Variants in STAU2 observed in about 807,000 individuals in gnomAD.
STAU2 encodes double-stranded RNA-binding protein Staufen homolog 2.
STAU2 carries 20 observed loss-of-function variants against 65.9 expected under a neutral mutation model. That is an observed-to-expected ratio of 0.30 (90% CI 0.21 to 0.44). The LOEUF is 0.44. Among genes scored for constraint, STAU2 ranks in the 20% least tolerant of loss-of-function variants. The probability of loss-of-function intolerance (pLI) is 1.00; values close to 1 mark genes in which losing one functional copy is unlikely to be tolerated. For synonymous variants in STAU2, 232 were observed against 233.9 expected (o/e 0.99, Z 0.07); for missense variants, 558 against 683.9 (o/e 0.82, Z 2.05).
chr8:73,489,250 G>GA (rs1821055524), intron 13 of STAU2, among the ~76,000 whole-genome samples: 1 of 151,578 alleles, frequency 6.6e-6, no homozygotes, highest in African/African-American at 2.4e-5. Flanking sequence ...AAATGACAAT[G>GA]AAAAAAATAT....
intron 13 of STAU2, among the ~76,000 whole-genome samples, chr8:73,452,078 A>G (rs1818828257): frequency 6.6e-6 from 1 of 152,200 alleles, no homozygotes. Context: ...CAGGGCAGAC[A>G]CGGTCTCTCA....
chr8:73,439,105 G>A (rs188771848), intron 13 of STAU2: 256 of 449,608 alleles, frequency 5.7e-4, no homozygotes, highest in African/African-American at 4.5e-3. Flanking sequence ...TATTGTGCTG[G>A]TAAATATTTA....
At chr8:73,442,041 C>G (rs1397351958) in intron 13 of STAU2, among the ~76,000 whole-genome samples, 1 of 152,030 alleles carries the variant, frequency 6.6e-6, no homozygotes, top group African/African-American at 2.4e-5. Flanking sequence ...TAATACCAAA[C>G]TTGGTTTGGC....
intron 11 of STAU2, among the ~76,000 whole-genome samples, chr8:73,591,908 A>C (rs1281885337): frequency 1.4e-5 from 2 of 140,566 alleles, no homozygotes; most frequent in Non-Finnish European, 3.0e-5. Flanking sequence ...AAAAAAAAAA[A>C]AAAAAACAAG....
chr8:73,634,862 C>T (rs1160182747), intron 6 of STAU2, among the ~76,000 whole-genome samples: 1 of 152,212 alleles, frequency 6.6e-6, no homozygotes, highest in Non-Finnish European at 1.5e-5. Flanking sequence ...TGATTCCCAT[C>T]CTTTTACTCA....
At chr8:73,658,668 A>C (rs1174845339) in intron 6 of STAU2, among the ~76,000 whole-genome samples, 1 of 152,044 alleles carries the variant, frequency 6.6e-6, no homozygotes, top group Non-Finnish European at 1.5e-5. Context: ...TAATCCCAGC[A>C]CTTTGGGAGC....
chr8:73,471,908 TG>T (rs1189216779), intron 13 of STAU2, among the ~76,000 whole-genome samples: 1 of 151,550 alleles, frequency 6.6e-6, no homozygotes, highest in East Asian at 1.9e-4. Context: ...AGCACTCTCT[TG>T]TAATACTTGC....
At chr8:73,581,520 C>T (rs967887537) in intron 12 of STAU2, among the ~76,000 whole-genome samples, 1 of 152,134 alleles carries the variant, frequency 6.6e-6, no homozygotes, top group Non-Finnish European at 1.5e-5. Flanking sequence ...GTGCTAAGTA[C>T]TTTACATAAA....
At chr8:73,676,344 G>T (rs1053662558) in intron 5 of STAU2, among the ~76,000 whole-genome samples, 6 of 152,158 alleles carry the variant, frequency 3.9e-5, no homozygotes, top group African/African-American at 1.4e-4. Context: ...TGGATTAAAT[G>T]AATGTCCATA....
chr8:73,653,178 C>T (rs1309348810), intron 6 of STAU2: 1 of 152,170 alleles, frequency 6.6e-6, no homozygotes, highest in Non-Finnish European at 1.5e-5. Context: ...TAAAAGCACA[C>T]TTGGGTACTC....
intron 9 of STAU2, among the ~76,000 whole-genome samples, chr8:73,604,786 G>C (rs796784468): frequency 2.6e-4 from 40 of 152,232 alleles, no homozygotes; most frequent in African/African-American, 9.1e-4. Flanking sequence ...GCCCCAAGTG[G>C]TGAGAATGGG....
upstream of STAU2, chr8:73,747,243 G>A (rs1363357862): frequency 7.3e-6 from 7 of 964,286 alleles, no homozygotes; most frequent in Non-Finnish European, 1.0e-5. Flanking sequence ...CCTCGTCCCC[G>A]GCGCGACTCC....
chr8:73,673,735 CAG>C (rs1817848462), intron 5 of STAU2, among the ~76,000 whole-genome samples: 1 of 151,954 alleles, frequency 6.6e-6, no homozygotes, highest in South Asian at 2.1e-4. Context: ...ACCAACAAAA[CAG>C]AGTAAATATA....
chr8:73,631,516 AT>A (rs1814088325), intron 6 of STAU2, among the ~76,000 whole-genome samples: 1 of 152,230 alleles, frequency 6.6e-6, no homozygotes, highest in Non-Finnish European at 1.5e-5. Flanking sequence ...GAAGAATTTA[AT>A]GTAAAATAAT....
intron 13 of STAU2, among the ~76,000 whole-genome samples, chr8:73,452,486 G>T (rs1818851527): frequency 6.6e-6 from 1 of 152,128 alleles, no homozygotes; most frequent in Admixed American, 6.5e-5. Context: ...ACAATTTTAT[G>T]ACCCTGGCCA....
intron 13 of STAU2, among the ~76,000 whole-genome samples, chr8:73,468,038 G>A (rs1194439806): frequency 6.6e-6 from 1 of 152,182 alleles, no homozygotes; most frequent in Non-Finnish European, 1.5e-5. Context: ...GGCATCACGT[G>A]CTACCTGACT....
chr8:73,691,613 C>T (rs1380517295), intron 4 of STAU2, among the ~76,000 whole-genome samples: 1 of 151,976 alleles, frequency 6.6e-6, no homozygotes, highest in Non-Finnish European at 1.5e-5. Context: ...GCACCAATGT[C>T]TTTATACTAA....
intron 6 of STAU2, among the ~76,000 whole-genome samples, chr8:73,619,083 C>T (rs1244663611): frequency 6.6e-6 from 1 of 151,902 alleles, no homozygotes; most frequent in Non-Finnish European, 1.5e-5. Context: ...GAAAGAGGTC[C>T]AAGATAGAAA....
rs1815881516 is a variant in STAU2, at chr8:73,651,564, C to T, written c.410+21543G>A. The stretch of plus-strand genomic sequence containing the variant: ...GCCAATGGCCTGCACCTGCTGTGCC[C>T]TTGGGCACCCCTGCCTGGGCCCCAG... On this transcript the variant is annotated intron_variant, in intron 6 of 14. Coordinates refer to ENST00000524300, the MANE Select transcript of STAU2 (RefSeq NM_001164380.2). 1.5e-5 allele frequency: 13 copies of T among 841,506 alleles called. No individual in the cohort carries two copies. The South Asian group carries it at 1.8e-4, about 11-fold the overall frequency. The allele number at this position is 841,506 out of a possible 1,614,324, so 52.1% of individuals were successfully genotyped here.
Sources: allele counts gnomAD v4.1 joint callset (sites outside exome capture counted in the v4.1 genomes callset), GRCh38; gene constraint gnomAD v4.1.1; transcripts MANE v1.5; gene names NCBI Gene and HGNC (gene_info 2026-07-23, HGNC 2026-07-21).